The following KCNT2 variants were observed in gnomAD, a reference collection of about 807,000 sequenced individuals.
KCNT2 encodes potassium channel subfamily T member 2.
A neutral mutation model predicts 153.8 loss-of-function variants in KCNT2; 67 were observed. The ratio of observed to expected loss-of-function variants is 0.44; its 90% CI spans 0.36 to 0.53. The LOEUF is 0.53. Among genes scored for constraint, KCNT2 ranks in the 20% least tolerant of loss-of-function variants. The probability of loss-of-function intolerance (pLI) is 0.00; values close to 1 mark genes in which losing one functional copy is unlikely to be tolerated. For synonymous variants in KCNT2, 500 were observed against 458.8 expected (o/e 1.09, Z -1.15); for missense variants, 975 against 1,354.8 (o/e 0.72, Z 4.40).
At chr1:196,410,710 T>TAAA (rs71154741) in intron 12 of KCNT2, among the ~76,000 whole-genome samples, 5 of 145,330 alleles carry the variant, frequency 3.4e-5, no homozygotes, top group South Asian at 2.1e-4. Flanking sequence ...GCTCAGTGCT[T>TAAA]AAAAAAAAAA....
chr1:196,333,019 A>T (rs1664639389), intron 17 of KCNT2, among the ~76,000 whole-genome samples: 1 of 151,528 alleles, frequency 6.6e-6, no homozygotes, highest in African/African-American at 2.4e-5. Flanking sequence ...CAAACTCCTG[A>T]CCTCAAATGA....
intron 24 of KCNT2, among the ~76,000 whole-genome samples, chr1:196,281,372 A>G (rs1010817225): frequency 6.6e-6 from 1 of 152,208 alleles, no homozygotes; most frequent in Non-Finnish European, 1.5e-5. Context: ...AATGTAAAGC[A>G]TATGGAAACT....
chr1:196,443,666 G>A (rs1341375789), intron 8 of KCNT2, among the ~76,000 whole-genome samples: 4 of 151,554 alleles, frequency 2.6e-5, no homozygotes, highest in South Asian at 2.1e-4. Context: ...TCCCTAAAGC[G>A]TTAAGCTACT....
chr1:196,482,179 A>G, intron 4 of KCNT2, 152 bp downstream of exon 4: 4 of 599,086 alleles, frequency 6.7e-6, no homozygotes, highest in Non-Finnish European at 1.2e-5. Flanking sequence ...AAACAAGAAA[A>G]AAGAAATGAA....
intron 12 of KCNT2, among the ~76,000 whole-genome samples, chr1:196,411,437 T>G (rs1461224292): frequency 8.5e-6 from 1 of 117,066 alleles, no homozygotes; most frequent in Non-Finnish European, 1.7e-5. Flanking sequence ...TGTTTTTAAC[T>G]ATTCCAGTTA....
chr1:196,276,934 G>A (rs978993799), intron 25 of KCNT2, among the ~76,000 whole-genome samples: 1 of 152,046 alleles, frequency 6.6e-6, no homozygotes, highest in Admixed American at 6.6e-5. Context: ...TTTGAAAATT[G>A]GTGATGTGAT....
At chr1:196,515,652 G>A (rs898725714) in intron 1 of KCNT2, among the ~76,000 whole-genome samples, 3 of 152,134 alleles carry the variant, frequency 2.0e-5, no homozygotes, top group Admixed American at 6.5e-5. Flanking sequence ...GTAAGATCCT[G>A]ACTAGAAGCA....
chr1:196,538,672 T>C (rs542179765), intron 1 of KCNT2, among the ~76,000 whole-genome samples: 23 of 152,292 alleles, frequency 1.5e-4, no homozygotes, highest in South Asian at 4.2e-4. Flanking sequence ...TGGAGTTGTG[T>C]GCCTGCGCTC....
At chr1:196,376,037 C>T (rs1442591130) in intron 13 of KCNT2, among the ~76,000 whole-genome samples, 1 of 151,746 alleles carries the variant, frequency 6.6e-6, no homozygotes, top group Non-Finnish European at 1.5e-5. Context: ...TCCATCCTTC[C>T]TCTTGGGACA....
intron 25 of KCNT2, among the ~76,000 whole-genome samples, chr1:196,264,345 A>C (rs565835859): frequency 6.6e-6 from 1 of 152,312 alleles, no homozygotes; most frequent in South Asian, 2.1e-4. Context: ...GATGTAATTC[A>C]TAAATGGGAG....
At chr1:196,302,159 A>G (rs1431938532) in intron 22 of KCNT2, among the ~76,000 whole-genome samples, 1 of 152,204 alleles carries the variant, frequency 6.6e-6, no homozygotes, top group Non-Finnish European at 1.5e-5. Flanking sequence ...ATAAAAATCC[A>G]TGTAACCCTC....
intron 1 of KCNT2, among the ~76,000 whole-genome samples, chr1:196,522,919 G>A (rs922703226): frequency 6.6e-6 from 1 of 152,242 alleles, no homozygotes; most frequent in East Asian, 1.9e-4. Context: ...TCAGCAGGAT[G>A]TGGGCAGGGA....
At chr1:196,440,254 T>C (rs1675107036) in intron 8 of KCNT2, among the ~76,000 whole-genome samples, 1 of 152,034 alleles carries the variant, frequency 6.6e-6, no homozygotes, top group Non-Finnish European at 1.5e-5. Context: ...AAAGTGAACT[T>C]TGTCTTCAGT....
At chr1:196,605,222 C>A (rs909009620) in intron 1 of KCNT2, among the ~76,000 whole-genome samples, 5 of 152,176 alleles carry the variant, frequency 3.3e-5, no homozygotes, top group African/African-American at 4.8e-5. Context: ...CAGATTCTCC[C>A]AGAAGGTAAG....
intron 21 of KCNT2, among the ~76,000 whole-genome samples, chr1:196,307,237 C>A (rs776706684): frequency 1.3e-5 from 2 of 151,954 alleles, no homozygotes; most frequent in African/African-American, 2.4e-5. Context: ...TTAGTTAAAT[C>A]GGTTATTACT....
rs542395992 is a variant in KCNT2 at position 196,230,946 on chromosome 1, T to C, written c.3297-2611A>G. On this transcript the variant is annotated intron_variant, in intron 27 of 27. Coordinates refer to ENST00000294725, the MANE Select transcript of KCNT2 (RefSeq NM_198503.5). ...AGAAGTTCCACTTCGGGTAAAATGC[T>C]ATCAAAGGGTATTACATGCTACAGA... is the stretch of plus-strand genomic sequence containing the variant. Among the ~76,000 whole-genome samples, 12 of 152,058 alleles carry C rather than the reference T, an allele frequency of 7.9e-5. No homozygotes were observed. In the South Asian group the frequency reaches 2.3e-3, roughly 29 times the overall value.
Position 196,429,584 on chromosome 1 carries a change from G to T in KCNT2, c.812C>A (p.Pro271His). Residue 271 changes from proline to histidine, a missense_variant, in exon 9 of 28, where the codon CCC becomes CAC. Around this residue, in one of 6 missense-constraint regions of KCNT2, gnomAD observed 202 missense variants for 314.9 expected, o/e 0.64. Transcript: ENST00000294725. ...TAAGATGGTTTTGTTTACCTGTATG[G>T]GTAGAACCACAAGAGCAACACAAAT... Reference protein sequence around the residue: ...AMICVALVVLPIQFEQLAYLW... With the variant: ...AMICVALVVLHIQFEQLAYLW... 6.2e-7 allele frequency: 1 copy of T among 1,607,360 alleles called. No individual in the cohort carries two copies. Among genetic ancestry groups the T allele is most frequent in the Non-Finnish European group, 8.5e-7 (1 of 1,176,996 alleles).
At chr1:196,605,112 G>A (rs60972661) in intron 1 of KCNT2, among the ~76,000 whole-genome samples, 4,706 of 152,218 alleles carry the variant, frequency 0.031, 231 homozygotes, top group African/African-American at 0.11. Context: ...TTACAGTGAG[G>A]AACAAGGTAG....
At chr1:196,606,724 T>C (rs1665365229) in intron 1 of KCNT2, among the ~76,000 whole-genome samples, 1 of 152,160 alleles carries the variant, frequency 6.6e-6, no homozygotes, top group African/African-American at 2.4e-5. Context: ...TTAATCTATC[T>C]CACACTTTCT....
Sources: gnomAD v4.1 joint callset for allele counts (sites outside exome capture counted in the v4.1 genomes callset) on GRCh38, gnomAD v4.1.1 for gene constraint, gnomAD v4.1.1 regional missense constraint, MANE v1.5 for transcripts, NCBI Gene and HGNC (gene_info 2026-07-23, HGNC 2026-07-21) for gene names.